Variants in KIF21A observed in about 807,000 individuals in gnomAD.
The protein encoded by KIF21A is kinesin-like protein KIF21A.
A neutral mutation model predicts 202.9 loss-of-function variants in KIF21A; 114 were observed. That is an observed-to-expected ratio of 0.56 (90% CI 0.48 to 0.66). The LOEUF (loss-of-function observed/expected upper bound fraction) is 0.66. Among genes scored for constraint, KIF21A ranks in the 30% least tolerant of loss-of-function variants. KIF21A has a pLI of 0.00. For synonymous variants in KIF21A, 667 were observed against 670.8 expected (o/e 0.99, Z 0.09); for missense variants, 1,677 against 1,994.9 (o/e 0.84, Z 3.04).
rs185714895 is a variant in KIF21A at position 39,442,237 on chromosome 12, G to A, written c.44+690C>T. Among the ~76,000 whole-genome samples, 1 of 152,050 alleles carries A rather than the reference G, an allele frequency of 6.6e-6. No individual in the cohort carries two copies. The highest frequency in any genetic ancestry group is 6.5e-5 in the Admixed American group (1 of 15,276). ...CAGTCACCCATTTCACCCTTCCTCT[G>A]GCTAAAGAGTTTTCCTCCTTCTGTA... is the stretch of plus-strand genomic sequence containing the variant. On this transcript the variant is annotated intron_variant, in intron 1 of 37. Transcript: ENST00000361418. This position sits in a 1 kb window ranked among gnomAD's most constrained non-coding sequence, Gnocchi z 5.0.
At chr12:39,408,826 G>GTT (rs1274076160) in intron 1 of KIF21A, among the ~76,000 whole-genome samples, 1 of 140,398 alleles carries the variant, frequency 7.1e-6, no homozygotes, top group Non-Finnish European at 1.6e-5. Context: ...GTTTTTTTTT[G>GTT]TTTTTTTTTT....
At chr12:39,345,124 A>G (rs966136047) in intron 12 of KIF21A, among the ~76,000 whole-genome samples, 1 of 152,184 alleles carries the variant, frequency 6.6e-6, no homozygotes, top group Admixed American at 6.5e-5. Context: ...ACACACGACT[A>G]TGTTTGAGAA....
chr12:39,330,976 T>C, intron 22 of KIF21A, 65 bp from the exon 23 acceptor site: 2 of 1,524,398 alleles, frequency 1.3e-6, no homozygotes, highest in African/African-American at 1.4e-5. Context: ...AAGATCTGTA[T>C]CAAACAGCAA....
chr12:39,319,785 T>G, intron 28 of KIF21A, 121 bp downstream of exon 28: 1 of 708,008 alleles, frequency 1.4e-6, no homozygotes, highest in Middle Eastern at 2.5e-4. Flanking sequence ...TCTTGATTAG[T>G]CAAATAGTCA....
At chr12:39,388,185 G>A (rs759015615) in intron 1 of KIF21A, among the ~76,000 whole-genome samples, 6 of 152,100 alleles carry the variant, frequency 3.9e-5, no homozygotes, top group South Asian at 2.1e-4. Context: ...CCTCCATGGC[G>A]GGGACCGGAG....
intron 27 of KIF21A, chr12:39,321,703 A>G (rs1371082966): frequency 1.3e-5 from 2 of 152,202 alleles, no homozygotes; most frequent in Non-Finnish European, 2.9e-5. Flanking sequence ...ATTATGAAAA[A>G]TGGCTATTCA....
chr12:39,330,262 T>G lies in KIF21A; in HGVS notation c.3320A>C (p.Asp1107Ala). 6.2e-7 allele frequency: 1 copy of G among 1,612,302 alleles called. No individual in the cohort carries two copies. Among genetic ancestry groups the G allele is most frequent in the Non-Finnish European group, 8.5e-7 (1 of 1,178,650 alleles). ...LDALLGHALQDLDSVPLENVE... is the reference protein window; with the variant it reads ...LDALLGHALQALDSVPLENVE... ...CTTACCTAATGGTACGCTATCTAGA[T>G]CTGTGTAAATAACAGCAAAAAGGAA... The change falls in exon 24 of 38, where the codon GAT becomes GCT. Residue 1107 changes from aspartate to alanine, a missense_variant and splice_region_variant. By Grantham distance (126) the Asp-to-Ala change is moderately radical (BLOSUM62 -2). Transcript: ENST00000361418.
chr12:39,398,403 C>G (rs904250072), intron 1 of KIF21A, among the ~76,000 whole-genome samples: 2 of 152,122 alleles, frequency 1.3e-5, no homozygotes, highest in Non-Finnish European at 2.9e-5. Flanking sequence ...AGTTTGAGAC[C>G]AGCCTGGGCA....
chr12:39,403,828 A>T (rs749360824), intron 1 of KIF21A, among the ~76,000 whole-genome samples: 2 of 152,234 alleles, frequency 1.3e-5, no homozygotes, highest in African/African-American at 4.8e-5. Flanking sequence ...CTTAGTAGCA[A>T]AGTCTTACTT....
intron 1 of KIF21A, among the ~76,000 whole-genome samples, chr12:39,413,717 T>C (rs1184806985): frequency 6.6e-6 from 1 of 152,170 alleles, no homozygotes; most frequent in African/African-American, 2.4e-5. Context: ...GAGGCTGCAG[T>C]ACACTATGAT....
intron 27 of KIF21A, chr12:39,322,072 T>C (rs1038546689): frequency 1.3e-5 from 2 of 152,330 alleles, no homozygotes; most frequent in Admixed American, 6.5e-5. Context: ...GTTCAGATTA[T>C]CATAGGAAAG....
At chr12:39,395,560 A>G (rs1323466232) in intron 1 of KIF21A, among the ~76,000 whole-genome samples, 2 of 151,844 alleles carry the variant, frequency 1.3e-5, no homozygotes, top group African/African-American at 4.8e-5. Flanking sequence ...ACCCACTTTC[A>G]GCCGGGCGCA....
intron 1 of KIF21A, among the ~76,000 whole-genome samples, chr12:39,393,499 C>T (rs535636205): frequency 5.3e-5 from 8 of 152,250 alleles, no homozygotes; most frequent in African/African-American, 1.4e-4. Context: ...TGGCTGTGTT[C>T]GCAACTCCAT....
intron 15 of KIF21A, 69 bp downstream of exon 15, chr12:39,340,837 A>C: frequency 1.8e-6 from 2 of 1,127,672 alleles, no homozygotes; most frequent in East Asian, 2.4e-5. Context: ...TTTTCTTCTA[A>C]AGGAAAAGAT....
chr12:39,361,392 G>T (rs1174275732), intron 7 of KIF21A, among the ~76,000 whole-genome samples: 2 of 152,056 alleles, frequency 1.3e-5, no homozygotes, highest in Admixed American at 6.6e-5. Context: ...ATATATGATA[G>T]TGGAAGGAAA....
chr12:39,378,277 G>A (rs556517388), intron 1 of KIF21A, among the ~76,000 whole-genome samples: 4 of 152,244 alleles, frequency 2.6e-5, no homozygotes, highest in South Asian at 4.1e-4. Flanking sequence ...TCTCTCAATT[G>A]AGGAAACCAG....
intron 37 of KIF21A, among the ~76,000 whole-genome samples, chr12:39,297,720 A>G (rs1942538837): frequency 1.3e-5 from 2 of 151,754 alleles, no homozygotes; most frequent in African/African-American, 4.8e-5. Context: ...CATGTACCCT[A>G]AAACTTAAAT....
At chr12:39,401,839 A>G (rs1952192660) in intron 1 of KIF21A, among the ~76,000 whole-genome samples, 1 of 152,192 alleles carries the variant, frequency 6.6e-6, no homozygotes, top group Admixed American at 6.6e-5. Context: ...TATATGTAAT[A>G]TTTTTTAAAA....
chr12:39,396,576 G>A (rs902382637), intron 1 of KIF21A, among the ~76,000 whole-genome samples: 2 of 152,240 alleles, frequency 1.3e-5, no homozygotes, highest in Admixed American at 1.3e-4. Context: ...GGGTACACAC[G>A]TATATATACT....
Sources: allele counts gnomAD v4.1 joint callset (sites outside exome capture counted in the v4.1 genomes callset), GRCh38; gene constraint gnomAD v4.1.1; non-coding constraint Gnocchi (gnomAD v3.1); transcripts MANE v1.5; gene names NCBI Gene and HGNC (gene_info 2026-07-23, HGNC 2026-07-21).